Variants in ANKS1B observed in about 807,000 individuals in gnomAD.
The protein encoded by ANKS1B is ankyrin repeat and sterile alpha motif domain-containing protein 1B.
ANKS1B carries 36 observed loss-of-function variants against 148.3 expected under a neutral mutation model. The observed-to-expected ratio is 0.24, with a 90% CI of 0.19 to 0.32. ANKS1B has a LOEUF of 0.32. ANKS1B is among the 10% of genes least tolerant of loss of function. The pLI is 1.00. For missense variants in ANKS1B, 1,157 were observed against 1,542.6 expected, an observed-to-expected ratio of 0.75 and a Z score of 4.19; for synonymous variants, 542 against 560.8, an observed-to-expected ratio of 0.97 and a Z score of 0.47.
At chr12:99,682,537 T>C (rs144722377) in intron 8 of ANKS1B, among the ~76,000 whole-genome samples, 37 of 152,252 alleles carry the variant, frequency 2.4e-4, no homozygotes, top group African/African-American at 6.0e-4. Context: ...AAAATGGAAA[T>C]TTAAAAATTC....
At chr12:99,279,844 T>C (rs1028889233) in intron 12 of ANKS1B, among the ~76,000 whole-genome samples, 1 of 151,912 alleles carries the variant, frequency 6.6e-6, no homozygotes, top group African/African-American at 2.4e-5. Context: ...TGAAACCCCA[T>C]CTCTAAAAAA....
chr12:99,649,153 T>C (rs1025620636), intron 9 of ANKS1B: 75 of 727,114 alleles, frequency 1.0e-4, no homozygotes, highest in Non-Finnish European at 1.6e-4. Context: ...TCCCTGCAAT[T>C]GCCACTTATA....
intron 17 of ANKS1B, among the ~76,000 whole-genome samples, chr12:98,839,395 G>GTATGTATC (rs5800369): frequency 8.6e-5 from 13 of 151,506 alleles, no homozygotes; most frequent in East Asian, 1.9e-4. Context: ...ATGTATGTAT[G>GTATGTATC]TATCTATCTT....
intron 9 of ANKS1B, among the ~76,000 whole-genome samples, chr12:99,531,211 A>T (rs1329193277): frequency 6.6e-6 from 1 of 152,226 alleles, no homozygotes; most frequent in East Asian, 1.9e-4. Context: ...ATGACACATT[A>T]GCTTTTCAGG....
At chr12:98,851,764 G>A (rs527311726) in intron 17 of ANKS1B, among the ~76,000 whole-genome samples, 1 of 152,238 alleles carries the variant, frequency 6.6e-6, no homozygotes, top group African/African-American at 2.4e-5. Context: ...GGATGCTCAT[G>A]ACTATAATCC....
At chr12:99,231,366 C>T (rs2086810345) in intron 14 of ANKS1B, among the ~76,000 whole-genome samples, 1 of 152,106 alleles carries the variant, frequency 6.6e-6, no homozygotes, top group African/African-American at 2.4e-5. Context: ...GGACTAGCTT[C>T]TGTTATTCTA....
rs373556393 is a variant in ANKS1B at position 99,859,947 on chromosome 12, C to T, written c.135-34558G>A. 2.0e-5 allele frequency among the ~76,000 whole-genome samples: 3 copies of T among 152,184 alleles called. No homozygotes were observed. In the East Asian group the frequency reaches 5.8e-4, roughly 29 times the overall value. On this transcript the variant is annotated intron_variant, in intron 1 of 26. Coordinates refer to ENST00000683438, the MANE Select transcript of ANKS1B (RefSeq NM_001352186.2). ...ACAGGCATGGGCCACCGCGCCCGGCCGAAAGTATTTTTAAAACAACTTACA... is the reference window on the plus strand; with the variant it reads ...ACAGGCATGGGCCACCGCGCCCGGCTGAAAGTATTTTTAAAACAACTTACA...
chr12:99,662,799 T>G (rs1469011612), intron 8 of ANKS1B, among the ~76,000 whole-genome samples: 1 of 152,132 alleles, frequency 6.6e-6, no homozygotes, highest in Non-Finnish European at 1.5e-5. Context: ...CCCCCTCCCC[T>G]ATCAATATTT....
At chr12:99,668,178 A>AT (rs2098518791) in intron 8 of ANKS1B, among the ~76,000 whole-genome samples, 1 of 152,124 alleles carries the variant, frequency 6.6e-6, no homozygotes, top group South Asian at 2.1e-4. Context: ...GATTATTTAG[A>AT]TTTTATATTT....
At chr12:99,115,854 C>T (rs1191409482) in intron 15 of ANKS1B, among the ~76,000 whole-genome samples, 1 of 150,406 alleles carries the variant, frequency 6.6e-6, no homozygotes, top group Admixed American at 6.6e-5. Flanking sequence ...ATCACTTGAA[C>T]CCAGGAGGCA....
chr12:99,585,243 A>G (rs1455101339), intron 9 of ANKS1B, among the ~76,000 whole-genome samples: 2 of 152,168 alleles, frequency 1.3e-5, no homozygotes, highest in African/African-American at 2.4e-5. Flanking sequence ...TGAAGGGACT[A>G]CGGGCCCCAG....
rs535977335 is a variant in ANKS1B, at chr12:99,797,619, G to A, written c.669+8785C>T. Reference sequence around the variant, plus strand: ...ACAGTGACATTTCAAAACTTATCCAGTAACCACACATAAAGCACTCATAAC... The same window carrying A: ...ACAGTGACATTTCAAAACTTATCCAATAACCACACATAAAGCACTCATAAC... On this transcript the variant is annotated intron_variant, in intron 4 of 26. Transcript: ENST00000683438. Among the ~76,000 whole-genome samples, 32 of 151,456 alleles carry A rather than the reference G, an allele frequency of 2.1e-4. No homozygotes were observed. In the South Asian group the frequency reaches 4.2e-3, roughly 20 times the overall value.
intron 17 of ANKS1B, among the ~76,000 whole-genome samples, chr12:99,004,048 CTCT>C (rs1433252773): frequency 1.3e-5 from 2 of 152,180 alleles, no homozygotes; most frequent in Non-Finnish European, 2.9e-5. Flanking sequence ...ACTACCCTCT[CTCT>C]TCTTAACTTA....
At chr12:99,596,672 C>T (rs187850564) in intron 9 of ANKS1B, among the ~76,000 whole-genome samples, 6 of 151,838 alleles carry the variant, frequency 4.0e-5, no homozygotes. Context: ...CACAAAAATG[C>T]ACAAGTTGTT....
intron 12 of ANKS1B, among the ~76,000 whole-genome samples, chr12:99,373,729 A>G (rs947585534): frequency 2.0e-5 from 3 of 151,972 alleles, no homozygotes; most frequent in Admixed American, 1.3e-4. Context: ...GTTGCATGCA[A>G]TCTTACAAGC....
chr12:98,818,812 CTGTT>C (rs1157158027), intron 19 of ANKS1B, among the ~76,000 whole-genome samples: 1 of 152,184 alleles, frequency 6.6e-6, no homozygotes, highest in Admixed American at 6.5e-5. Flanking sequence ...TGGAGCCCGA[CTGTT>C]TGTTTCCTGC....
chr12:99,231,920 G>C (rs535820718), intron 14 of ANKS1B, among the ~76,000 whole-genome samples: 111 of 152,216 alleles, frequency 7.3e-4, no homozygotes, highest in Non-Finnish European at 1.1e-3. Context: ...CAGACCCAGG[G>C]AAAGAGGAGC....
intron 1 of ANKS1B, among the ~76,000 whole-genome samples, chr12:99,976,050 C>T (rs2095624516): frequency 1.3e-5 from 2 of 152,188 alleles, no homozygotes; most frequent in African/African-American, 4.8e-5. Flanking sequence ...TCTGCAGCAA[C>T]ATGGATGGAG....
chr12:99,086,473 A>G (rs2051862693), intron 15 of ANKS1B, among the ~76,000 whole-genome samples: 1 of 152,340 alleles, frequency 6.6e-6, no homozygotes, highest in South Asian at 2.1e-4. Context: ...TATCCTGACC[A>G]TAATGGGTAG....
Sources: allele counts gnomAD v4.1 joint callset (sites outside exome capture counted in the v4.1 genomes callset), GRCh38; gene constraint gnomAD v4.1.1; transcripts MANE v1.5; gene names NCBI Gene and HGNC (gene_info 2026-07-23, HGNC 2026-07-21).